CTNNA3: variants seen among roughly 807,000 people sequenced by gnomAD.
The protein encoded by CTNNA3 is catenin alpha 3.
In CTNNA3, 76 loss-of-function variants were observed where a neutral mutation model predicts 95.7. The observed-to-expected ratio is 0.79, with a 90% confidence interval of 0.66 to 0.96. The LOEUF (loss-of-function observed/expected upper bound fraction) is 0.96, where lower values mean the gene tolerates loss of function less well. Ranked by LOEUF, CTNNA3 falls within the 40% of genes least tolerant of loss-of-function variation. The pLI is 0.00. For missense variants in CTNNA3, 1,191 were observed against 1,089.8 expected (o/e 1.09, Z -1.31); for synonymous variants, 431 against 374.4 (o/e 1.15, Z -1.74).
chr10:67,604,653 C>T (rs1843205302), intron 3 of CTNNA3, among the ~76,000 whole-genome samples: 1 of 152,060 alleles, frequency 6.6e-6, no homozygotes, highest in Admixed American at 6.6e-5. Flanking sequence ...ACCCCCATGA[C>T]GCCAATATGA....
intron 5 of CTNNA3, among the ~76,000 whole-genome samples, chr10:67,489,462 T>C (rs1281222136): frequency 6.6e-6 from 1 of 152,192 alleles, no homozygotes; most frequent in Non-Finnish European, 1.5e-5. Context: ...GAGCATGTAT[T>C]CACTAGAAGC....
At chr10:66,671,845 T>G (rs1318086040) in intron 9 of CTNNA3, among the ~76,000 whole-genome samples, 1 of 152,158 alleles carries the variant, frequency 6.6e-6, no homozygotes, top group Non-Finnish European at 1.5e-5. Context: ...GTAGTACACA[T>G]TACTCCCAGG....
chr10:67,208,235 C>G (rs1863989411), intron 6 of CTNNA3, among the ~76,000 whole-genome samples: 1 of 151,852 alleles, frequency 6.6e-6, no homozygotes. Context: ...AAAAAATTAG[C>G]TGGGCCTGGT....
chr10:66,202,064 G>T (rs1481332307), intron 13 of CTNNA3, among the ~76,000 whole-genome samples: 1 of 152,054 alleles, frequency 6.6e-6, no homozygotes. Context: ...TGGGATTATG[G>T]TGCGAGCCAC....
At chr10:66,871,565 A>G (rs1474146697) in intron 7 of CTNNA3, among the ~76,000 whole-genome samples, 1 of 24,942 alleles carries the variant, frequency 4.0e-5, no homozygotes, top group African/African-American at 1.4e-4. Context: ...TCTGTCTCAA[A>G]AAAAAAAAAA....
intron 7 of CTNNA3, among the ~76,000 whole-genome samples, chr10:66,928,793 C>CTGTT (rs1263316079): frequency 6.6e-6 from 1 of 152,200 alleles, no homozygotes; most frequent in African/African-American, 2.4e-5. Flanking sequence ...CCCACATTCG[C>CTGTT]TGTTAGCCTC....
intron 13 of CTNNA3, among the ~76,000 whole-genome samples, chr10:66,108,166 TA>T (rs1417296747): frequency 1.3e-5 from 2 of 152,054 alleles, no homozygotes; most frequent in Admixed American, 1.3e-4. Context: ...AAAATACATT[TA>T]AAAAATAAAA....
intron 9 of CTNNA3, among the ~76,000 whole-genome samples, chr10:66,704,554 T>A (rs1343385602): frequency 1.3e-5 from 2 of 152,128 alleles, no homozygotes; most frequent in Non-Finnish European, 2.9e-5. Context: ...CCTTTATGAG[T>A]GTGCCTGCAT....
intron 9 of CTNNA3, among the ~76,000 whole-genome samples, chr10:66,680,159 G>A (rs1261769889): frequency 1.6e-5 from 2 of 128,116 alleles, no homozygotes; most frequent in African/African-American, 3.2e-5. Context: ...CACCATGCCC[G>A]ACTAATGTTT....
intron 9 of CTNNA3, among the ~76,000 whole-genome samples, chr10:66,740,896 A>T (rs1849305597): frequency 6.6e-6 from 1 of 152,206 alleles, no homozygotes; most frequent in Non-Finnish European, 1.5e-5. Flanking sequence ...TTGAACTTTG[A>T]AAAGCTTACA....
chr10:66,928,093 C>G (rs538826516), intron 7 of CTNNA3: 5 of 1,614,064 alleles, frequency 3.1e-6, no homozygotes, highest in Non-Finnish European at 4.2e-6. Context: ...TGAGAGCAAA[C>G]CCCCTTTGCC....
intron 9 of CTNNA3, among the ~76,000 whole-genome samples, chr10:66,723,982 T>C (rs1243686030): frequency 2.0e-5 from 3 of 152,156 alleles, no homozygotes; most frequent in South Asian, 2.1e-4. Context: ...CCTGGAGCTG[T>C]GCTACAGGCC....
chr10:66,469,623 T>C (rs1339470822), intron 11 of CTNNA3, among the ~76,000 whole-genome samples: 1 of 151,762 alleles, frequency 6.6e-6, no homozygotes, highest in Non-Finnish European at 1.5e-5. Flanking sequence ...AAGTTCAAAT[T>C]TGCATTTTAG....
intron 7 of CTNNA3, among the ~76,000 whole-genome samples, chr10:66,955,594 C>T (rs988039481): frequency 6.6e-6 from 1 of 152,116 alleles, no homozygotes. Context: ...AGAGTAGACA[C>T]TCAATAAATG....
intron 1 of CTNNA3, among the ~76,000 whole-genome samples, chr10:67,728,082 T>G (rs943060787): frequency 7.1e-6 from 1 of 140,456 alleles, no homozygotes; most frequent in Non-Finnish European, 1.5e-5. Context: ...TATTATATAT[T>G]ATATAATATG....
At chr10:67,726,426 T>TCATATATAATATTA (rs1554879490) in intron 1 of CTNNA3, among the ~76,000 whole-genome samples, 74 of 29,516 alleles carry the variant, frequency 2.5e-3, no homozygotes, top group African/African-American at 0.012. Context: ...ATATTATATA[T>TCATATATAATATTA]TATATCATAT....
chr10:67,274,929 T>G (rs187531965), intron 5 of CTNNA3, among the ~76,000 whole-genome samples: 65 of 152,278 alleles, frequency 4.3e-4, no homozygotes, highest in Non-Finnish European at 8.8e-4. Flanking sequence ...ATTAGATATA[T>G]TCAATAGAAA....
At chr10:66,293,435 G>GAAA (rs11374912) in intron 12 of CTNNA3, among the ~76,000 whole-genome samples, 1 of 150,852 alleles carries the variant, frequency 6.6e-6, no homozygotes, top group Non-Finnish European at 1.5e-5. Flanking sequence ...GTAAAACAGG[G>GAAA]AAAAAAAAGC....
intron 5 of CTNNA3, among the ~76,000 whole-genome samples, chr10:67,456,541 T>G (rs567676586): frequency 6.6e-6 from 1 of 152,270 alleles, no homozygotes; most frequent in African/African-American, 2.4e-5. Flanking sequence ...CTAAACTGAT[T>G]TATTTGAGCC....
Sources: gnomAD v4.1 joint callset for allele counts (sites outside exome capture counted in the v4.1 genomes callset) on GRCh38, gnomAD v4.1.1 for gene constraint, MANE v1.5 for transcripts, NCBI Gene and HGNC (gene_info 2026-07-23, HGNC 2026-07-21) for gene names.